Variants in AGBL4 observed in about 807,000 individuals in gnomAD.
The protein encoded by AGBL4 is cytosolic carboxypeptidase 6.
In AGBL4, 58 loss-of-function variants were observed where a neutral mutation model predicts 66.4. The observed-to-expected ratio is 0.87, with a 90% CI of 0.71 to 1.09. The LOEUF (loss-of-function observed/expected upper bound fraction) is 1.09, where lower values mean the gene tolerates loss of function less well. AGBL4 is among the 50% of genes least tolerant of loss of function. The pLI is 0.00. For missense variants in AGBL4, 579 were observed against 631.0 expected (o/e 0.92, Z 0.88); for synonymous variants, 234 against 222.9 (o/e 1.05, Z -0.44).
chr1:49,353,269 T>A (rs956045388), intron 3 of AGBL4, among the ~76,000 whole-genome samples: 1 of 152,192 alleles, frequency 6.6e-6, no homozygotes, highest in African/African-American at 2.4e-5. Flanking sequence ...ATGTGATATC[T>A]AAAAGCCCTT....
intron 5 of AGBL4, among the ~76,000 whole-genome samples, chr1:49,014,357 C>A (rs12027340): frequency 6.6e-6 from 1 of 152,136 alleles, no homozygotes; most frequent in Non-Finnish European, 1.5e-5. Context: ...ATAATATTGT[C>A]GTTAAGTGTA....
intron 6 of AGBL4, among the ~76,000 whole-genome samples, chr1:48,686,863 A>G (rs1646540823): frequency 1.3e-5 from 2 of 152,224 alleles, no homozygotes; most frequent in Admixed American, 1.3e-4. Flanking sequence ...ACTCTGCCCC[A>G]AGGCCATCCT....
chr1:49,270,514 G>A (rs1422965430), intron 3 of AGBL4, among the ~76,000 whole-genome samples: 1 of 151,944 alleles, frequency 6.6e-6, no homozygotes, highest in Non-Finnish European at 1.5e-5. Context: ...TCTACATGGT[G>A]TTACAAATTA....
At chr1:48,810,195 C>T (rs554206621) in intron 6 of AGBL4, among the ~76,000 whole-genome samples, 2 of 152,206 alleles carry the variant, frequency 1.3e-5, no homozygotes, top group Admixed American at 1.3e-4. Context: ...CACACAGCCC[C>T]TGTGCTTGAG....
intron 4 of AGBL4, among the ~76,000 whole-genome samples, chr1:49,194,379 C>G (rs961927465): frequency 6.6e-6 from 1 of 152,056 alleles, no homozygotes; most frequent in Non-Finnish European, 1.5e-5. Flanking sequence ...ATGTTTTTCA[C>G]CCCTATACTT....
intron 5 of AGBL4, among the ~76,000 whole-genome samples, chr1:48,996,535 G>T (rs1661004706): frequency 6.6e-6 from 1 of 152,172 alleles, no homozygotes; most frequent in Non-Finnish European, 1.5e-5. Context: ...CAGGAAGTAG[G>T]TTGTCAGTTA....
intron 3 of AGBL4, among the ~76,000 whole-genome samples, chr1:49,436,464 T>C (rs1570712680): frequency 6.6e-6 from 1 of 152,232 alleles, no homozygotes; most frequent in East Asian, 1.9e-4. Context: ...TTTAGAATAC[T>C]CACCTAAAGA....
intron 3 of AGBL4, among the ~76,000 whole-genome samples, chr1:49,695,897 G>T (rs1204055808): frequency 1.3e-5 from 2 of 152,040 alleles, no homozygotes; most frequent in Admixed American, 6.6e-5. Context: ...TAGCATGCCA[G>T]GAATAATATT....
intron 3 of AGBL4, among the ~76,000 whole-genome samples, chr1:49,329,464 G>A (rs367846641): frequency 2.0e-5 from 3 of 151,888 alleles, no homozygotes; most frequent in African/African-American, 7.3e-5. Flanking sequence ...TCAGGAGTTC[G>A]AGATCAGCCT....
intron 7 of AGBL4, among the ~76,000 whole-genome samples, chr1:48,654,561 C>T (rs1242469607): frequency 6.6e-6 from 1 of 152,172 alleles, no homozygotes; most frequent in Non-Finnish European, 1.5e-5. Context: ...GAAGTGGGGC[C>T]CCGTTCCTGC....
chr1:48,632,454 C>T (rs544675613), intron 9 of AGBL4, among the ~76,000 whole-genome samples: 2 of 152,252 alleles, frequency 1.3e-5, no homozygotes, highest in African/African-American at 4.8e-5. Flanking sequence ...TCTTTAGCAA[C>T]CCTAACCTAC....
intron 1 of AGBL4, among the ~76,000 whole-genome samples, chr1:49,973,218 C>T (rs1436861861): frequency 6.6e-6 from 1 of 152,184 alleles, no homozygotes; most frequent in African/African-American, 2.4e-5. Context: ...CCTGCAACCC[C>T]TTGTAAAGTA....
chr1:49,995,817 C>T (rs978345441), intron 1 of AGBL4: 5 of 153,284 alleles, frequency 3.3e-5, no homozygotes, highest in African/African-American at 1.2e-4. Context: ...TGCACCAGAG[C>T]AGGTGCTGGT....
chr1:49,524,663 C>T (rs12240044), intron 3 of AGBL4, among the ~76,000 whole-genome samples: 11,497 of 151,910 alleles, frequency 0.076, 660 homozygotes, highest in African/African-American at 0.16. Flanking sequence ...TATAATGTCT[C>T]TCTCTTGCCA....
intron 3 of AGBL4, among the ~76,000 whole-genome samples, chr1:49,640,417 C>A (rs542436761): frequency 6.6e-6 from 1 of 152,304 alleles, no homozygotes; most frequent in Non-Finnish European, 1.5e-5. Context: ...AGTGCTCTCA[C>A]ACCACAGCAT....
At chr1:48,823,000 C>T (rs1009824991) in intron 6 of AGBL4, among the ~76,000 whole-genome samples, 4 of 152,342 alleles carry the variant, frequency 2.6e-5, no homozygotes, top group East Asian at 3.9e-4. Context: ...AGCCCAGGAC[C>T]TTTTCATTCC....
chr1:48,678,694 G>A (rs1211307211), intron 6 of AGBL4, among the ~76,000 whole-genome samples: 1 of 152,214 alleles, frequency 6.6e-6, no homozygotes, highest in South Asian at 2.1e-4. Flanking sequence ...TGGTGCAAAT[G>A]TGGCAATAAC....
intron 5 of AGBL4, among the ~76,000 whole-genome samples, chr1:48,886,439 A>C (rs1280896842): frequency 1.3e-5 from 2 of 152,152 alleles, no homozygotes; most frequent in African/African-American, 4.8e-5. Flanking sequence ...GTATTTCTTT[A>C]AGTGTTCAAG....
chr1:49,551,123 TA>T, intron 3 of AGBL4, among the ~76,000 whole-genome samples: 1 of 152,202 alleles, frequency 6.6e-6, no homozygotes, highest in Non-Finnish European at 1.5e-5. Flanking sequence ...TGCATTTCTA[TA>T]AGGGTATCCA....
Sources: gnomAD v4.1 joint callset for allele counts (sites outside exome capture counted in the v4.1 genomes callset) on GRCh38, gnomAD v4.1.1 for gene constraint, MANE v1.5 for transcripts, NCBI Gene and HGNC (gene_info 2026-07-23, HGNC 2026-07-21) for gene names.